The following SLC35F5 variants were observed in gnomAD, a reference collection of about 807,000 sequenced individuals.
The protein encoded by SLC35F5 is solute carrier family 35 member F5, also known as HCV NS5A-transactivated protein 3.
In SLC35F5, 54 loss-of-function variants were observed where a neutral mutation model predicts 68.6. The observed-to-expected ratio is 0.79, with a 90% CI of 0.63 to 0.99. The LOEUF (loss-of-function observed/expected upper bound fraction) is 0.99. Among genes scored for constraint, SLC35F5 ranks in the 50% least tolerant of loss-of-function variants. The pLI is 0.00. For missense variants in SLC35F5, 567 were observed against 626.9 expected, an observed-to-expected ratio of 0.90 and a Z score of 1.02; for synonymous variants, 211 against 205.2, an observed-to-expected ratio of 1.03 and a Z score of -0.24.
At position 113,755,290 on chromosome 2, in the gene SLC35F5, C is replaced by G. The variant is rs143143202; in HGVS notation, c.148G>C (p.Val50Leu). 1.4e-5 allele frequency: 22 copies of G among 1,614,032 alleles called. No homozygotes were observed. The African/African-American group carries it at 2.4e-4, about 18-fold the overall frequency. ...GAATTCATTCGGTTCATGACAAATA[C>G]ACACACCATTTGCAGTCTGTTTTTT... Reference protein sequence around the residue: ...ALKTRLQMVCVFVMNRMNSQN... With the variant: ...ALKTRLQMVCLFVMNRMNSQN... The change falls in exon 3 of 16, where the codon GTA becomes CTA. Residue 50 changes from valine (V) to leucine (L), a missense_variant. Physicochemically the swap from Val to Leu is conservative, Grantham distance 32. Coordinates refer to ENST00000245680, the MANE Select transcript of SLC35F5 (RefSeq NM_025181.5).
Position 113,756,548 on chromosome 2 carries a change from C to A in SLC35F5, c.-139G>T. On this transcript the variant is annotated 5_prime_UTR_variant, in exon 1 of 16. Coordinates refer to ENST00000245680, the MANE Select transcript of SLC35F5 (RefSeq NM_025181.5). ...GCGGTGCCCCTCAGGGAGAGGCTCC[C>A]GACACCACCCAACTCCACTCGGCCC... 1 of 1,472,724 alleles carries A rather than the reference C, an allele frequency of 6.8e-7. No homozygotes were observed. The highest frequency in any genetic ancestry group is 1.3e-5 in the South Asian group (1 of 74,090). The allele number at this position is 1,472,724 out of a possible 1,614,324, so 91.2% of individuals were successfully genotyped here. A position where few individuals can be genotyped will look rare whatever the true frequency, so the allele number is the denominator to read the frequency against.
intron 13 of SLC35F5, among the ~76,000 whole-genome samples, chr2:113,720,057 A>C (rs542354743): frequency 6.6e-6 from 1 of 151,380 alleles, no homozygotes; most frequent in Non-Finnish European, 1.5e-5. Flanking sequence ...AAAAGAAAAA[A>C]AAATAAGAAA....
At chr2:113,749,454 A>G (rs1031086592) in intron 4 of SLC35F5, among the ~76,000 whole-genome samples, 2 of 152,212 alleles carry the variant, frequency 1.3e-5, no homozygotes, top group African/African-American at 4.8e-5. Context: ...AACTGTGATT[A>G]AACCACTGCA....
intron 12 of SLC35F5, among the ~76,000 whole-genome samples, chr2:113,725,164 T>C (rs1393049239): frequency 1.3e-5 from 2 of 152,198 alleles, no homozygotes; most frequent in East Asian, 3.9e-4. Context: ...CAAGTATTTA[T>C]TGAGCTCCTT....
Position 113,744,239 on chromosome 2 carries a change from C to CTT in SLC35F5, c.481-446_481-445insAA, listed in dbSNP as rs1472855708. 3.3e-5 allele frequency among the ~76,000 whole-genome samples: 5 copies of CTT among 152,208 alleles called. 1 individual carries two copies. The highest frequency in any genetic ancestry group is 3.3e-4 in the Admixed American group (5 of 15,288). ...GTCTCTTCCTCAGTGATCATGCAGT[C>CTT]TAACAGGCAAGGCAGATAACAAACT... is the stretch of plus-strand genomic sequence containing the variant. On this transcript the variant is annotated intron_variant, in intron 5 of 15. Transcript: ENST00000245680.
At position 113,746,347 on chromosome 2, in the gene SLC35F5, C is replaced by T. The variant is rs2104472407; in HGVS notation, c.418-8G>A. 6.2e-7 allele frequency: 1 copy of T among 1,608,276 alleles called. No individual in the cohort carries two copies. The highest frequency in any genetic ancestry group is 2.2e-5 in the East Asian group (1 of 44,818). On this transcript the variant is annotated splice_polypyrimidine_tract_variant and splice_region_variant and intron_variant, in intron 4 of 15. Transcript: ENST00000245680. ...ACCTTCAGCATCTGCAAACTAAATA[C>T]AGATAACAAGATACAAAATTCAATG...
intron 3 of SLC35F5, among the ~76,000 whole-genome samples, chr2:113,753,544 T>A (rs1206350526): frequency 6.6e-6 from 1 of 152,196 alleles, no homozygotes; most frequent in East Asian, 1.9e-4. Flanking sequence ...TCTTGAATAA[T>A]GAGATTGTAA....
At chr2:113,718,780 G>GC (rs1400457735) in intron 14 of SLC35F5, among the ~76,000 whole-genome samples, 2 of 150,960 alleles carry the variant, frequency 1.3e-5, no homozygotes, top group Non-Finnish European at 2.9e-5. Context: ...GGGCTACAGA[G>GC]CAAGACTCTG....
In SLC35F5 at chr2:113,732,196, T is replaced by C. The variant is rs560369444; in HGVS notation, c.921-548A>G. Among the ~76,000 whole-genome samples, 82 of 152,174 alleles carry C rather than the reference T, an allele frequency of 5.4e-4. 2 individuals are homozygous for C. Among genetic ancestry groups the C allele is most frequent in the Non-Finnish European group, 5.1e-4 (35 of 68,036 alleles). On this transcript the variant is annotated intron_variant, in intron 9 of 15. Transcript: ENST00000245680. ...TTACGTGCTTAAACAATTTCACTAA[T>C]CTCATGATTTTAGTGGATAAAAATA...
At chr2:113,743,678 G>A (rs1011199016) in intron 6 of SLC35F5, 35 bp downstream of exon 6, 20 of 1,560,674 alleles carry the variant, frequency 1.3e-5, no homozygotes, top group Middle Eastern at 1.7e-4. Context: ...CTTGAATAAA[G>A]GTAAACTTTC....
chr2:113,742,310 T>C (rs1676308086), intron 7 of SLC35F5: 1 of 225,508 alleles, frequency 4.4e-6, no homozygotes, highest in Non-Finnish European at 8.6e-6. Flanking sequence ...AAAAAATCAA[T>C]GCATACAGTA....
At position 113,721,362 on chromosome 2, in the gene SLC35F5, G is replaced by C. The variant is rs1687426963; in HGVS notation, c.1341+1742C>G. 6 of 153,346 alleles carry C rather than the reference G, an allele frequency of 3.9e-5. No homozygotes were observed. In the Admixed American group the frequency reaches 3.9e-4, roughly 10 times the overall value. The allele number at this position is 153,346 out of a possible 1,614,324, so 9.5% of individuals were successfully genotyped here. A position where few individuals can be genotyped will look rare whatever the true frequency, so the allele number is the denominator to read the frequency against. ...CTTGATTGTCTTCATATCCAGAACT[G>C]GGCAATCAGTTAAAGTTTGGTTATG... On this transcript the variant is annotated intron_variant, in intron 13 of 15. Coordinates refer to ENST00000245680, the MANE Select transcript of SLC35F5 (RefSeq NM_025181.5).
rs147666125 is a variant in SLC35F5 at position 113,723,598 on chromosome 2, G to A, written c.1251-404C>T. On this transcript the variant is annotated intron_variant, in intron 12 of 15. Transcript: ENST00000245680. ...CAATACTTCACACATAGACTTTAAG[G>A]AAGTGATAAGCCAACATGTGATTCT... Among the ~76,000 whole-genome samples, 751 of 152,224 alleles carry A rather than the reference G, an allele frequency of 4.9e-3. 8 individuals are homozygous for A. Among genetic ancestry groups the A allele is most frequent in the African/African-American group, 0.016 (668 of 41,532 alleles).
At chr2:113,735,102 A>G (rs1238756085) in intron 8 of SLC35F5, among the ~76,000 whole-genome samples, 1 of 152,228 alleles carries the variant, frequency 6.6e-6, no homozygotes, top group African/African-American at 2.4e-5. Flanking sequence ...GTTCTGAAAT[A>G]AGCAATTACA....
intron 13 of SLC35F5, among the ~76,000 whole-genome samples, chr2:113,722,028 G>A (rs995233832): frequency 9.2e-5 from 13 of 141,814 alleles, no homozygotes; most frequent in Admixed American, 1.5e-4. Flanking sequence ...AGGCTGGAGC[G>A]CAGTGGCATG....
In SLC35F5 at chr2:113,755,110, A is replaced by G. The variant is rs1381157181; in HGVS notation, c.273+55T>C. On this transcript the variant is annotated intron_variant, in intron 3 of 15. Transcript: ENST00000245680. ...GTAACGGCTAGAGTTACTACAGGTT[A>G]AGAGTTAACATTGTGGCTGTAATGT... 2.6e-6 allele frequency: 4 copies of G among 1,565,410 alleles called. No individual in the cohort carries two copies. The Admixed American group carries it at 7.0e-5, about 27-fold the overall frequency.
chr2:113,731,533 T>G (rs998156976), intron 10 of SLC35F5, 51 bp downstream of exon 10: 1 of 1,453,632 alleles, frequency 6.9e-7, no homozygotes, highest in Non-Finnish European at 9.7e-7. Flanking sequence ...AGCACGCACA[T>G]GTAACTTTCT....
rs1677008373 is a variant in SLC35F5, at chr2:113,756,638, G to A, written c.-229C>T. 1.7e-6 allele frequency: 2 copies of A among 1,211,480 alleles called. No individual in the cohort carries two copies. Among genetic ancestry groups the A allele is most frequent in the Non-Finnish European group, 2.2e-6 (2 of 913,014 alleles). 75.0% of individuals were successfully genotyped at this position (1,211,480 alleles called of 1,614,324 possible). ...TCAGCTATGGCCGCGGAGGCCCGGA[G>A]ATCTGCTCTGGCCCCGGCCCCGCCC... On this transcript the variant is annotated 5_prime_UTR_variant, in exon 1 of 16. Coordinates refer to ENST00000245680, the MANE Select transcript of SLC35F5 (RefSeq NM_025181.5).
chr2:113,708,513 T>A lies in SLC35F5; in HGVS notation c.*6705A>T, dbSNP rs1444201370. Among the ~76,000 whole-genome samples, 2 of 152,012 alleles carry A rather than the reference T, an allele frequency of 1.3e-5. No homozygotes were observed. Among genetic ancestry groups the A allele is most frequent in the East Asian group, 3.9e-4 (2 of 5,180 alleles). On this transcript the variant is annotated 3_prime_UTR_variant, in exon 16 of 16. Transcript: ENST00000245680. ...TGAGGTCAAGAGTTCAAGACCAACC[T>A]GGCCAACATGGTAAAACCTCCTCTC...
Sources: allele counts gnomAD v4.1 joint callset (sites outside exome capture counted in the v4.1 genomes callset), GRCh38; gene constraint gnomAD v4.1.1; transcripts MANE v1.5; gene names NCBI Gene and HGNC (gene_info 2026-07-23, HGNC 2026-07-21).